Variants in PDZD8 observed in about 807,000 individuals in gnomAD.
PDZD8 encodes PDZ domain-containing protein 8.
PDZD8 carries 14 observed loss-of-function variants against 85.8 expected under a neutral mutation model. That is an observed-to-expected ratio of 0.16 (90% CI 0.11 to 0.26). The LOEUF (loss-of-function observed/expected upper bound fraction) is 0.26, where lower values mean the gene tolerates loss of function less well. Among genes scored for constraint, PDZD8 ranks in the 10% least tolerant of loss-of-function variants. The pLI is 1.00. For missense variants in PDZD8, 1,197 were observed against 1,424.3 expected, an observed-to-expected ratio of 0.84 and a Z score of 2.57; for synonymous variants, 592 against 568.6, an observed-to-expected ratio of 1.04 and a Z score of -0.59.
rs750655167 is a variant in PDZD8, at chr10:117,374,700, G to A, written c.528C>T (p.Gly176=). 5.6e-6 allele frequency: 9 copies of A among 1,602,722 alleles called. No homozygotes were observed. The East Asian group carries it at 1.8e-4, about 32-fold the overall frequency. Residue 176 remains glycine, a synonymous_variant, in exon 1 of 5, where the codon GGC becomes GGT. Coordinates refer to ENST00000334464, the MANE Select transcript of PDZD8 (RefSeq NM_173791.5). The surrounding 1 kb of genome is among the most constrained non-coding windows in gnomAD (Gnocchi z 7.8). ...VVPSATGEPD[G]PEGEALPAAC... ...CGGCGGGCAGCGCCTCCCCTTCAGG[G>A]CCATCGGGCTCCCCGGTGGCCGAGG...
intron 1 of PDZD8, among the ~76,000 whole-genome samples, chr10:117,355,496 T>C (rs774909935): frequency 9.9e-5 from 15 of 152,190 alleles, no homozygotes; most frequent in Non-Finnish European, 2.1e-4. Context: ...CAATATAAAA[T>C]AGAGGTTAAG....
At chr10:117,367,338 G>C (rs1451310691) in intron 1 of PDZD8, among the ~76,000 whole-genome samples, 1 of 152,026 alleles carries the variant, frequency 6.6e-6, no homozygotes, top group Non-Finnish European at 1.5e-5. Context: ...TTGAACCCGG[G>C]AGGTGGAGGT....
chr10:117,345,379 C>G (rs1844687163), intron 1 of PDZD8, among the ~76,000 whole-genome samples: 1 of 152,066 alleles, frequency 6.6e-6, no homozygotes, highest in Non-Finnish European at 1.5e-5. Context: ...AAACACTTAC[C>G]CAAGAAACTA....
intron 2 of PDZD8, among the ~76,000 whole-genome samples, chr10:117,339,128 C>CAAAAAAAAAAAAAAAAAAAAAAAAAAAAA (rs71013660): frequency 7.7e-6 from 1 of 129,408 alleles, no homozygotes; most frequent in Non-Finnish European, 1.6e-5. Flanking sequence ...TGGACTTAAC[C>CAAAAAAAAAAAAAAAAAAAAAAAAAAAAA]AAAAAAAAAA....
intron 2 of PDZD8, 123 bp downstream of exon 2, chr10:117,340,857 C>T (rs893656807): frequency 3.6e-6 from 4 of 1,116,118 alleles, no homozygotes; most frequent in African/African-American, 1.6e-5. Context: ...ATTAAATTTA[C>T]AATTAAAGAA....
At chr10:117,296,905 A>G (rs1253645681) in intron 3 of PDZD8, among the ~76,000 whole-genome samples, 2 of 150,546 alleles carry the variant, frequency 1.3e-5, no homozygotes, top group Non-Finnish European at 1.5e-5. Context: ...TGACACAAAC[A>G]GTATAAATCT....
intron 3 of PDZD8, among the ~76,000 whole-genome samples, chr10:117,311,249 A>G (rs57691637): frequency 0.77 from 116,189 of 151,436 alleles, 45,226 homozygotes; most frequent in Non-Finnish European, 0.85. Context: ...TCACAAAATT[A>G]ATATTGAGTA....
At chr10:117,291,965 A>C (rs1465999602) in intron 3 of PDZD8, among the ~76,000 whole-genome samples, 3 of 152,116 alleles carry the variant, frequency 2.0e-5, no homozygotes, top group Non-Finnish European at 4.4e-5. Context: ...TCTCCAGTCC[A>C]CATTTCTTAA....
intron 2 of PDZD8, among the ~76,000 whole-genome samples, chr10:117,340,030 T>C (rs2133844837): frequency 6.6e-6 from 1 of 152,304 alleles, no homozygotes; most frequent in African/African-American, 2.4e-5. Flanking sequence ...CTAGGAGATA[T>C]GAAGGCTAGT....
intron 3 of PDZD8, among the ~76,000 whole-genome samples, chr10:117,293,295 T>A (rs1406891373): frequency 2.6e-5 from 4 of 152,076 alleles, no homozygotes; most frequent in Non-Finnish European, 4.4e-5. Flanking sequence ...AAATTATTTA[T>A]GACTATTGGA....
At chr10:117,315,621 T>G (rs1168264960) in intron 3 of PDZD8, among the ~76,000 whole-genome samples, 1 of 145,462 alleles carries the variant, frequency 6.9e-6, no homozygotes, top group Non-Finnish European at 1.5e-5. Context: ...AACAATAATC[T>G]ATTTTGTGTC....
Position 117,315,704 on chromosome 10 carries a change from T to A in PDZD8, c.1098+3168A>T, listed in dbSNP as rs191285028. Among the ~76,000 whole-genome samples, 502 of 151,674 alleles carry A rather than the reference T, an allele frequency of 3.3e-3. 8 individuals carry two copies. The highest frequency in any genetic ancestry group is 0.031 in the Admixed American group (474 of 15,224). On this transcript the variant is annotated intron_variant, in intron 3 of 4. Coordinates refer to ENST00000334464, the MANE Select transcript of PDZD8 (RefSeq NM_173791.5). Reference sequence around the variant, plus strand: ...AATTCTGGGAGGGTAAAACTTAGGATCTCTCTCTTTCAAACAATGTGTGCT... The same window carrying A: ...AATTCTGGGAGGGTAAAACTTAGGAACTCTCTCTTTCAAACAATGTGTGCT...
At chr10:117,370,917 T>TG (rs1375309097) in intron 1 of PDZD8, among the ~76,000 whole-genome samples, 41 of 126,232 alleles carry the variant, frequency 3.2e-4, no homozygotes, top group African/African-American at 9.7e-4. Context: ...AACAACATAG[T>TG]TTGTGTGTGT....
chr10:117,350,259 TG>T (rs56262074), intron 1 of PDZD8, among the ~76,000 whole-genome samples: 27,537 of 137,850 alleles, frequency 0.2, 3,300 homozygotes, highest in Middle Eastern at 0.33. Flanking sequence ...TTTTTTTGTT[TG>T]TTTGTTTCTT....
rs143726914 is a variant in PDZD8 at position 117,284,408 on chromosome 10, A to G, written c.2325T>C (p.Ser775=). 6.6e-4 allele frequency: 1,059 copies of G among 1,614,146 alleles called. 3 individuals carry two copies. The highest frequency in any genetic ancestry group is 1.8e-3 in the South Asian group (162 of 91,074). The change falls in exon 5 of 5, where the codon AGT becomes AGC. Residue 775 remains serine (S), a synonymous_variant. Transcript: ENST00000334464. Reference sequence around the variant, plus strand: ...ATTTGTCATTGAATCCCTTTTGCATACTCAGATTGCGTAGTGCGGTTCTAG... The same window carrying G: ...ATTTGTCATTGAATCCCTTTTGCATGCTCAGATTGCGTAGTGCGGTTCTAG... ...IVTRTALRNL[S]MQKGFNDKFC... is the part of the protein sequence containing the mutation.
intron 2 of PDZD8, among the ~76,000 whole-genome samples, chr10:117,332,258 T>A (rs887954502): frequency 1.2e-4 from 18 of 152,110 alleles, no homozygotes; most frequent in African/African-American, 3.9e-4. Flanking sequence ...GTCTTATGCC[T>A]GAGCTAATTT....
At position 117,280,956 on chromosome 10, in the gene PDZD8, T is replaced by A. The variant is rs1158055193; in HGVS notation, c.*2312A>T. 6.6e-6 allele frequency: 1 copy of A among 152,224 alleles called. No homozygotes were observed. Among genetic ancestry groups the A allele is most frequent in the Non-Finnish European group, 1.5e-5 (1 of 68,036 alleles). 9.4% of individuals were successfully genotyped at this position (152,224 alleles called of 1,614,324 possible). A position where few individuals can be genotyped will look rare whatever the true frequency, so the allele number is the denominator to read the frequency against. Reference sequence around the variant, plus strand: ...CACCTTCCAGGTTATCAATGGTAAGTTATTTTTTATAAAGTGGTTACACAC... The same window carrying A: ...CACCTTCCAGGTTATCAATGGTAAGATATTTTTTATAAAGTGGTTACACAC... On this transcript the variant is annotated 3_prime_UTR_variant, in exon 5 of 5. Transcript: ENST00000334464.
chr10:117,330,169 C>T (rs1022333761), intron 2 of PDZD8, among the ~76,000 whole-genome samples: 8 of 151,752 alleles, frequency 5.3e-5, no homozygotes, highest in African/African-American at 1.9e-4. Context: ...CTTGGTTGAC[C>T]TTTTATACAT....
intron 3 of PDZD8, among the ~76,000 whole-genome samples, chr10:117,306,686 T>A (rs1441299697): frequency 3.9e-5 from 6 of 152,122 alleles, no homozygotes; most frequent in African/African-American, 1.2e-4. Flanking sequence ...AGGTTTTTTT[T>A]TAAAAAATTA....
Sources: gnomAD v4.1 joint callset for allele counts (sites outside exome capture counted in the v4.1 genomes callset) on GRCh38, gnomAD v4.1.1 for gene constraint, Gnocchi (gnomAD v3.1) non-coding constraint, MANE v1.5 for transcripts, NCBI Gene and HGNC (gene_info 2026-07-23, HGNC 2026-07-21) for gene names.